The following SMARCA4 variants were observed in gnomAD, a reference collection of about 807,000 sequenced individuals.
The protein encoded by SMARCA4 is SWI/SNF related BAF chromatin remodeling complex subunit ATPase 4, also known as SWI/SNF-related matrix-associated actin-dependent regulator of chromatin subfamily A member 4.
Under a neutral mutation model 193.9 loss-of-function variants are expected in SMARCA4, and 31 were observed. That is an observed-to-expected ratio of 0.16 (90% CI 0.12 to 0.22). SMARCA4 has a LOEUF of 0.22. Among genes scored for constraint, SMARCA4 ranks in the 10% least tolerant of loss-of-function variants. The pLI is 1.00. For missense variants in SMARCA4, 1,148 were observed against 2,296.0 expected, an observed-to-expected ratio of 0.50 and a Z score of 10.22; for synonymous variants, 942 against 933.1, an observed-to-expected ratio of 1.01 and a Z score of -0.17.
At chr19:10,971,064 C>T (rs890149956) in intron 1 of SMARCA4, among the ~76,000 whole-genome samples, 25 of 152,076 alleles carry the variant, frequency 1.6e-4, no homozygotes, top group East Asian at 1.9e-4. Flanking sequence ...GGCGTGGTGG[C>T]GCGTGCCTGT....
intron 1 of SMARCA4, among the ~76,000 whole-genome samples, chr19:10,973,461 T>C (rs2084842648): frequency 6.6e-6 from 1 of 151,766 alleles, no homozygotes; most frequent in Non-Finnish European, 1.5e-5. Flanking sequence ...AGTGCAGTGA[T>C]GCAATCTTGG....
At position 11,060,070 on chromosome 19, in the gene SMARCA4, G is replaced by A. The variant is rs372408986; in HGVS notation, c.4794G>A (p.Lys1598=). ...SESRSVKVKI[K]LGRKEKAQDR... is the part of the protein sequence containing the mutation. ...CTCGGTCCGTCAAAGTGAAGATCAA[G>A]CTTGGCCGGAAGGAGAAGGCACAGG... Residue 1598 remains lysine (K), a synonymous_variant, in exon 34 of 35, where the codon AAG becomes AAA. Coordinates refer to ENST00000344626, the MANE Select transcript of SMARCA4 (RefSeq NM_003072.5). 3.9e-6 allele frequency: 6 copies of A among 1,556,184 alleles called. No homozygotes were observed. Among genetic ancestry groups the A allele is most frequent in the Middle Eastern group, 1.7e-4 (1 of 5,996 alleles).
chr19:11,003,711 A>ATT (rs1163471174), intron 13 of SMARCA4, among the ~76,000 whole-genome samples: 22 of 135,842 alleles, frequency 1.6e-4, no homozygotes, highest in African/African-American at 4.6e-4. Flanking sequence ...TCATTTGCCC[A>ATT]TTTTTTTTTT....
intron 15 of SMARCA4, chr19:11,012,737 C>G (rs759139276): frequency 9.5e-5 from 59 of 618,498 alleles, no homozygotes; most frequent in Non-Finnish European, 1.5e-4. Context: ...CACAGTCATC[C>G]TGCAGCTTCA....
intron 15 of SMARCA4, among the ~76,000 whole-genome samples, chr19:11,011,416 A>C (rs995609178): frequency 1.3e-5 from 2 of 151,960 alleles, no homozygotes; most frequent in African/African-American, 4.8e-5. Context: ...GTAGAGACAG[A>C]GTTTCACCAT....
At chr19:11,001,669 C>T (rs2087650918) in intron 11 of SMARCA4, among the ~76,000 whole-genome samples, 1 of 149,944 alleles carries the variant, frequency 6.7e-6, no homozygotes, top group African/African-American at 2.5e-5. Flanking sequence ...TTATGGTGGC[C>T]GCTCTGTGGG....
intron 9 of SMARCA4, 38 bp downstream of exon 9, chr19:10,995,039 G>A (rs2145944990): frequency 1.9e-6 from 3 of 1,566,160 alleles, no homozygotes; most frequent in Non-Finnish European, 2.6e-6. Flanking sequence ...TCTTCTACAT[G>A]TGTAGCTGGT....
chr19:10,976,229 G>A (rs2085113211), intron 1 of SMARCA4, among the ~76,000 whole-genome samples: 1 of 152,130 alleles, frequency 6.6e-6, no homozygotes, highest in African/African-American at 2.4e-5. Context: ...AGAGAGAGAG[G>A]TGTTCCTTGT....
chr19:10,988,030 C>T, intron 6 of SMARCA4, 106 bp downstream of exon 6: 1 of 1,160,088 alleles, frequency 8.6e-7, no homozygotes, highest in Non-Finnish European at 1.3e-6. Context: ...TGCCCTGTGC[C>T]CACCACTGCC....
chr19:11,040,571 A>G (rs1314411738), intron 29 of SMARCA4: 1 of 148,204 alleles, frequency 6.7e-6, no homozygotes, highest in Non-Finnish European at 1.5e-5. Context: ...CAGCCTGGTG[A>G]CAGAGTGAGA....
chr19:11,043,911 G>C (rs1444176698), intron 30 of SMARCA4, among the ~76,000 whole-genome samples: 1 of 152,202 alleles, frequency 6.6e-6, no homozygotes, highest in South Asian at 2.1e-4. Context: ...AGAAGGCAGA[G>C]GGTGCAGTGA....
At chr19:11,050,011 AGAATCGCTT>A (rs1312395535) in intron 30 of SMARCA4, among the ~76,000 whole-genome samples, 3 of 152,178 alleles carry the variant, frequency 2.0e-5, no homozygotes, top group Non-Finnish European at 4.4e-5. Context: ...CTGAGGCAGG[AGAATCGCTT>A]GAACCCAGGA....
In SMARCA4 at chr19:11,031,297, C is replaced by T. The variant is rs970593587; in HGVS notation, c.3546+404C>T. 2.8e-5 allele frequency: 8 copies of T among 282,034 alleles called. No individual in the cohort carries two copies. The highest frequency in any genetic ancestry group is 2.8e-4 in the South Asian group (7 of 24,692). The allele number at this position is 282,034 out of a possible 1,614,324, so 17.5% of individuals were successfully genotyped here. ...ATTGGGGGTAAACTCCATGCCACTT[C>T]GTTTACTTCCTCCTCTTGTTCCATA... On this transcript the variant is annotated intron_variant, in intron 25 of 34. Transcript: ENST00000344626. This position sits in a 1 kb window ranked among gnomAD's most constrained non-coding sequence, Gnocchi z 4.3.
chr19:10,975,308 T>G (rs1599860790), intron 1 of SMARCA4, among the ~76,000 whole-genome samples: 1 of 146,940 alleles, frequency 6.8e-6, no homozygotes, highest in African/African-American at 2.5e-5. Context: ...TAACACCATA[T>G]CCAACCTTAC....
Position 11,027,675 on chromosome 19 carries a change from G to C in SMARCA4, c.3216-109G>C. 6.6e-6 allele frequency: 8 copies of C among 1,203,768 alleles called. No individual in the cohort carries two copies. The South Asian group carries it at 8.5e-5, about 13-fold the overall frequency. 74.6% of individuals were successfully genotyped at this position (1,203,768 alleles called of 1,614,324 possible). A position where few individuals can be genotyped will look rare whatever the true frequency, so the allele number is the denominator to read the frequency against. On this transcript the variant is annotated intron_variant, in intron 23 of 34. Coordinates refer to ENST00000344626, the MANE Select transcript of SMARCA4 (RefSeq NM_003072.5). ...GCTTAGGATGCATGTCTGTGCCCTT[G>C]AACCCGGCGCCTGGCCTGGAGGCGG...
intron 34 of SMARCA4, among the ~76,000 whole-genome samples, chr19:11,061,538 G>A (rs1319686251): frequency 6.6e-6 from 1 of 152,146 alleles, no homozygotes; most frequent in Non-Finnish European, 1.5e-5. Context: ...ACCACGCCCG[G>A]CTAATTTTTT....
At chr19:10,998,591 T>C (rs2087312745) in intron 11 of SMARCA4, among the ~76,000 whole-genome samples, 1 of 152,096 alleles carries the variant, frequency 6.6e-6, no homozygotes, top group Non-Finnish European at 1.5e-5. Context: ...TGCATTGATT[T>C]GTTTGTTTTT....
chr19:11,010,851 C>T (rs374860485), intron 15 of SMARCA4: 86 of 412,832 alleles, frequency 2.1e-4, no homozygotes, highest in Non-Finnish European at 3.8e-4. Flanking sequence ...AGGTGCAGCA[C>T]CTCCTCAGCA....
intron 34 of SMARCA4, among the ~76,000 whole-genome samples, chr19:11,061,576 C>T (rs2076900126): frequency 6.6e-6 from 1 of 152,180 alleles, no homozygotes; most frequent in African/African-American, 2.4e-5. Flanking sequence ...CGGGGTTTCA[C>T]CGTGTTAGCC....
Sources: allele counts gnomAD v4.1 joint callset (sites outside exome capture counted in the v4.1 genomes callset), GRCh38; gene constraint gnomAD v4.1.1; non-coding constraint Gnocchi (gnomAD v3.1); transcripts MANE v1.5; gene names NCBI Gene and HGNC (gene_info 2026-07-23, HGNC 2026-07-21).